The following SOX5 variants were observed in gnomAD, a reference collection of about 807,000 sequenced individuals.
SOX5 encodes the protein transcription factor SOX-5.
SOX5 carries 9 observed loss-of-function variants against 92.0 expected under a neutral mutation model. The observed-to-expected ratio is 0.10, with a 90% CI of 0.06 to 0.17. SOX5 has a LOEUF of 0.17. SOX5 is among the 10% of genes least tolerant of loss of function. The probability of loss-of-function intolerance (pLI) is 1.00; values close to 1 mark genes in which losing one functional copy is unlikely to be tolerated. For synonymous variants in SOX5, 344 were observed against 336.3 expected (o/e 1.02, Z -0.25); for missense variants, 642 against 944.5 (o/e 0.68, Z 4.20).
chr12:24,157,889 T>A (rs1952356253), intron 4 of SOX5, among the ~76,000 whole-genome samples: 2 of 152,078 alleles, frequency 1.3e-5, no homozygotes, highest in South Asian at 4.1e-4. Flanking sequence ...TCTTTTACAC[T>A]TCCTTTGTCT....
rs554909075 is a variant in SOX5 at position 23,533,387 on chromosome 12, G to A, written c.*832C>T. Reference sequence around the variant, plus strand: ...AAAAGTCAAATCTCACCAGCTGCTGGTATTTCAGGTTTTTCAAGGGATTGT... The same window carrying A: ...AAAAGTCAAATCTCACCAGCTGCTGATATTTCAGGTTTTTCAAGGGATTGT... On this transcript the variant is annotated 3_prime_UTR_variant, in exon 15 of 15. Transcript: ENST00000451604. The A allele has an allele frequency of 2.2e-3, 592 of 268,358 alleles. 2 individuals carry two copies. The highest frequency in any genetic ancestry group is 3.4e-3 in the Non-Finnish European group (442 of 130,388). The allele number at this position is 268,358 out of a possible 1,614,324, so 16.6% of individuals were successfully genotyped here.
chr12:23,995,551 C>T (rs1184327102), intron 4 of SOX5, among the ~76,000 whole-genome samples: 1 of 152,038 alleles, frequency 6.6e-6, no homozygotes, highest in Non-Finnish European at 1.5e-5. Context: ...TTTTAAAAAT[C>T]AATGGGCATG....
intron 4 of SOX5, among the ~76,000 whole-genome samples, chr12:24,157,005 T>A (rs375572228): frequency 2.5e-4 from 38 of 152,266 alleles, no homozygotes; most frequent in African/African-American, 8.7e-4. Context: ...ACAACTTATT[T>A]CTGCTTAGCA....
intron 4 of SOX5, among the ~76,000 whole-genome samples, chr12:23,984,658 G>C (rs185698851): frequency 8.8e-4 from 134 of 152,266 alleles, no homozygotes; most frequent in African/African-American, 3.1e-3. Context: ...AAACTCGAAA[G>C]TTATTTGAAT....
Position 24,426,230 on chromosome 12 carries a change from AC to A in SOX5, c.-250-57592del, listed in dbSNP as rs562720611. Among the ~76,000 whole-genome samples the A allele has an allele frequency of 4.2e-3, 640 of 150,880 alleles. 3 individuals carry two copies. The highest frequency in any genetic ancestry group is 0.015 in the African/African-American group (603 of 41,010). On this transcript the variant is annotated intron_variant, in intron 1 of 4. Coordinates refer to the SOX5 transcript ENST00000446891. The stretch of plus-strand genomic sequence containing the variant: ...ACAAACAAACAAACAAACAAAAAAA[AC>A]ACTGCATATTCTCACTCATAGGTGG...
intron 7 of SOX5, among the ~76,000 whole-genome samples, chr12:23,653,037 T>C (rs374578825): frequency 0.014 from 2,096 of 150,016 alleles, 53 homozygotes; most frequent in African/African-American, 0.049. Flanking sequence ...GATAGATGGA[T>C]GGATGGATGG....
At chr12:24,032,190 T>C (rs1955582931) in intron 4 of SOX5, among the ~76,000 whole-genome samples, 1 of 151,714 alleles carries the variant, frequency 6.6e-6, no homozygotes, top group Admixed American at 6.6e-5. Flanking sequence ...ACCTAATATA[T>C]ACACATCAAT....
intron 2 of SOX5, among the ~76,000 whole-genome samples, chr12:24,348,364 C>CATTTATTTATT (rs1953604853): frequency 2.1e-5 from 3 of 142,676 alleles, no homozygotes; most frequent in Non-Finnish European, 4.5e-5. Flanking sequence ...CTATTGACTC[C>CATTTATTTATT]TATTTATTTA....
intron 4 of SOX5, among the ~76,000 whole-genome samples, chr12:23,995,048 T>G (rs1346595398): frequency 2.6e-5 from 4 of 152,208 alleles, no homozygotes; most frequent in Non-Finnish European, 5.9e-5. Context: ...TATATTTTCT[T>G]CCAAGAAGTC....
intron 2 of SOX5, among the ~76,000 whole-genome samples, chr12:24,362,337 C>T (rs1230031697): frequency 6.6e-6 from 1 of 152,184 alleles, no homozygotes; most frequent in Non-Finnish European, 1.5e-5. Flanking sequence ...GTCCCATCAT[C>T]TTTTCACTTG....
At chr12:24,176,819 C>T (rs1954860483) in intron 4 of SOX5, among the ~76,000 whole-genome samples, 1 of 152,162 alleles carries the variant, frequency 6.6e-6, no homozygotes, top group Admixed American at 6.5e-5. Context: ...TTCCCCATCC[C>T]TCCTAACACT....
intron 4 of SOX5, among the ~76,000 whole-genome samples, chr12:23,965,993 T>C (rs1255962543): frequency 6.6e-6 from 1 of 152,036 alleles, no homozygotes; most frequent in Non-Finnish European, 1.5e-5. Flanking sequence ...TCTTCAACCA[T>C]AAAAGTTTCT....
intron 2 of SOX5, among the ~76,000 whole-genome samples, chr12:23,881,637 A>T (rs917847831): frequency 2.6e-5 from 4 of 152,238 alleles, no homozygotes; most frequent in Non-Finnish European, 5.9e-5. Flanking sequence ...TAGGAAAGAT[A>T]GTTTTCAAAG....
chr12:24,394,178 C>T (rs1332969417), intron 1 of SOX5, among the ~76,000 whole-genome samples: 1 of 152,032 alleles, frequency 6.6e-6, no homozygotes, highest in Non-Finnish European at 1.5e-5. Flanking sequence ...TAATCATGCC[C>T]CATCATACTA....
At chr12:23,906,874 G>A (rs950508221) in intron 1 of SOX5, among the ~76,000 whole-genome samples, 6 of 151,760 alleles carry the variant, frequency 4.0e-5, no homozygotes, top group African/African-American at 1.5e-4. Flanking sequence ...GAAGCCTTTT[G>A]GATTTTTCTG....
intron 1 of SOX5, among the ~76,000 whole-genome samples, chr12:24,471,678 AAAAG>A (rs2137644136): frequency 6.6e-6 from 1 of 152,342 alleles, no homozygotes; most frequent in African/African-American, 2.4e-5. Context: ...AACTTAATAA[AAAAG>A]AAATGTTAGG....
chr12:23,683,421 A>T (rs910979581), intron 6 of SOX5, among the ~76,000 whole-genome samples: 6 of 151,928 alleles, frequency 3.9e-5, no homozygotes, highest in Non-Finnish European at 7.4e-5. Flanking sequence ...TTCATAACTG[A>T]TCTGGAAAAA....
At chr12:23,768,521 A>G (rs1225197286) in intron 3 of SOX5, among the ~76,000 whole-genome samples, 1 of 152,204 alleles carries the variant, frequency 6.6e-6, no homozygotes, top group East Asian at 1.9e-4. Context: ...AATTCTCCCA[A>G]TTCTTCAAAG....
intron 4 of SOX5, among the ~76,000 whole-genome samples, chr12:24,130,897 C>T (rs567277298): frequency 6.6e-6 from 1 of 152,286 alleles, no homozygotes; most frequent in African/African-American, 2.4e-5. Flanking sequence ...ATACCAGCTC[C>T]ATATTCCTAC....
Sources: gnomAD v4.1 joint callset for allele counts (sites outside exome capture counted in the v4.1 genomes callset) on GRCh38, gnomAD v4.1.1 for gene constraint, MANE v1.5 for transcripts, NCBI Gene and HGNC (gene_info 2026-07-23, HGNC 2026-07-21) for gene names.